RPS6KA2: variants seen among roughly 807,000 people sequenced by gnomAD.
RPS6KA2 encodes ribosomal protein S6 kinase alpha-2.
RPS6KA2 carries 42 observed loss-of-function variants against 91.8 expected under a neutral mutation model. The observed-to-expected ratio is 0.46, with a 90% confidence interval of 0.36 to 0.59. The LOEUF (loss-of-function observed/expected upper bound fraction) is 0.59, where lower values mean the gene tolerates loss of function less well. Ranked by LOEUF, RPS6KA2 falls within the 20% of genes least tolerant of loss-of-function variation. The pLI is 0.00. For missense variants in RPS6KA2, 798 were observed against 978.5 expected, an observed-to-expected ratio of 0.82 and a Z score of 2.46; for synonymous variants, 414 against 393.6, an observed-to-expected ratio of 1.05 and a Z score of -0.61.
At chr6:166,450,032 AG>A (rs1194754412) in intron 13 of RPS6KA2, among the ~76,000 whole-genome samples, 77 of 80,604 alleles carry the variant, frequency 9.6e-4, no homozygotes, top group Middle Eastern at 8.9e-3. Context: ...CCACCACAGG[AG>A]CCACCATGGG....
At chr6:166,607,187 T>C (rs1562337828) in intron 1 of RPS6KA2, among the ~76,000 whole-genome samples, 1 of 141,408 alleles carries the variant, frequency 7.1e-6, no homozygotes, top group Non-Finnish European at 1.5e-5. Context: ...TGGGTGGGAA[T>C]GTACAATGTT....
At chr6:166,475,493 C>A (rs1346293406) in intron 10 of RPS6KA2, among the ~76,000 whole-genome samples, 2 of 152,172 alleles carry the variant, frequency 1.3e-5, no homozygotes, top group East Asian at 3.9e-4. Flanking sequence ...AAGGCCCCTC[C>A]CCCCACACCC....
chr6:166,668,611 G>A (rs746897941), intron 2 of RPS6KA2, among the ~76,000 whole-genome samples: 1 of 152,154 alleles, frequency 6.6e-6, no homozygotes, highest in Non-Finnish European at 1.5e-5. Context: ...GAGGGAAGAG[G>A]GTGGTGTCGT....
intron 2 of RPS6KA2, among the ~76,000 whole-genome samples, chr6:166,790,762 T>C (rs1482089201): frequency 6.6e-6 from 1 of 152,194 alleles, no homozygotes; most frequent in Non-Finnish European, 1.5e-5. Flanking sequence ...CCAGCCAAAC[T>C]AAGCTTCATA....
intron 2 of RPS6KA2, among the ~76,000 whole-genome samples, chr6:166,680,443 G>A (rs554541232): frequency 6.6e-6 from 1 of 152,146 alleles, no homozygotes; most frequent in African/African-American, 2.4e-5. Context: ...TACCTGCTCT[G>A]GTCCCCTTCC....
At chr6:166,719,644 A>G (rs962550892) in intron 2 of RPS6KA2, among the ~76,000 whole-genome samples, 7 of 152,216 alleles carry the variant, frequency 4.6e-5, no homozygotes, top group African/African-American at 1.7e-4. Context: ...TGTATTATTA[A>G]ATGTCAAAGG....
At position 166,495,816 on chromosome 6, in the gene RPS6KA2, A is replaced by G. The variant is rs1583205834; in HGVS notation, c.747+2692T>C. Among the ~76,000 whole-genome samples, 1 of 152,198 alleles carries G rather than the reference A, an allele frequency of 6.6e-6. No homozygotes were observed. The highest frequency in any genetic ancestry group is 1.5e-5 in the Non-Finnish European group (1 of 68,038). ...CACCGAAGCCAGAGCCACCAGCCAG[A>G]GCCACCAACCCGGCCAGGGTCAGCA... On this transcript the variant is annotated intron_variant, in intron 8 of 20. Coordinates refer to ENST00000265678, the MANE Select transcript of RPS6KA2 (RefSeq NM_021135.6). This position sits in a 1 kb window ranked among gnomAD's most constrained non-coding sequence, Gnocchi z 4.4.
At position 166,662,381 on chromosome 6, in the gene RPS6KA2, G is replaced by C. The variant is rs961322943; in HGVS notation, c.124-123597C>G. Among the ~76,000 whole-genome samples the C allele has an allele frequency of 3.3e-5, 5 of 152,294 alleles. No homozygotes were observed. Among genetic ancestry groups the C allele is most frequent in the African/African-American group, 1.2e-4 (5 of 41,544 alleles). ...TGCAGGGGTGGTAAGAGATGGGTTG[G>C]CGCAGGAGGTATGAAAACTTACTCC... On this transcript the variant is annotated intron_variant, in intron 2 of 21. Coordinates refer to the RPS6KA2 transcript ENST00000503859. The surrounding 1 kb of genome is among the most constrained non-coding windows in gnomAD (Gnocchi z 4.3).
At chr6:166,807,566 T>C (rs990031971) in intron 2 of RPS6KA2, among the ~76,000 whole-genome samples, 1 of 151,576 alleles carries the variant, frequency 6.6e-6, no homozygotes, top group Non-Finnish European at 1.5e-5. Context: ...GGGCTCTCCA[T>C]CTTAGTCTGA....
chr6:166,605,299 A>G (rs1277120019), intron 1 of RPS6KA2, among the ~76,000 whole-genome samples: 2 of 152,210 alleles, frequency 1.3e-5, no homozygotes, highest in African/African-American at 2.4e-5. Flanking sequence ...AGCATTTACA[A>G]TAATTTCAAG....
chr6:166,474,889 C>T (rs1464389345), intron 10 of RPS6KA2, among the ~76,000 whole-genome samples: 1 of 152,214 alleles, frequency 6.6e-6, no homozygotes, highest in African/African-American at 2.4e-5. Context: ...ACCAAATGTC[C>T]TGCTGAGCCT....
At chr6:166,778,125 G>T (rs905368978) in intron 2 of RPS6KA2, among the ~76,000 whole-genome samples, 1 of 152,216 alleles carries the variant, frequency 6.6e-6, no homozygotes, top group Non-Finnish European at 1.5e-5. Flanking sequence ...GCAAAGACAA[G>T]CCCTGGCAGG....
intron 2 of RPS6KA2, among the ~76,000 whole-genome samples, chr6:166,718,133 C>A (rs1790068291): frequency 6.6e-6 from 1 of 152,232 alleles, no homozygotes; most frequent in African/African-American, 2.4e-5. Context: ...CAGGCGTGAA[C>A]CACTGTGCCC....
chr6:166,642,789 G>T (rs563438769), intron 2 of RPS6KA2, among the ~76,000 whole-genome samples: 1 of 152,218 alleles, frequency 6.6e-6, no homozygotes, highest in Non-Finnish European at 1.5e-5. Context: ...AAGGGCCACC[G>T]CCATGGGTCC....
intron 2 of RPS6KA2, among the ~76,000 whole-genome samples, chr6:166,768,498 C>T (rs996025328): frequency 2.0e-5 from 3 of 152,110 alleles, no homozygotes; most frequent in African/African-American, 7.2e-5. Context: ...GGGGCAGCTG[C>T]CTCTGCTTCA....
rs79599627 is a variant in RPS6KA2 at position 166,504,757 on chromosome 6, C to T, written c.460-145G>A. 3.0e-3 allele frequency: 1,711 copies of T among 577,454 alleles called. 23 individuals carry two copies. Among genetic ancestry groups the T allele is most frequent in the African/African-American group, 0.029 (1,539 of 52,584 alleles). The allele number at this position is 577,454 out of a possible 1,614,324, so 35.8% of individuals were successfully genotyped here. A position where few individuals can be genotyped will look rare whatever the true frequency, so the allele number is the denominator to read the frequency against. ...GAACGCTATGGCCCCCCAGAGTGGT[C>T]TTCTGACTCTTCTCATGGAAAAGTG... is the stretch of plus-strand genomic sequence containing the variant. On this transcript the variant is annotated intron_variant, in intron 5 of 20. Coordinates refer to ENST00000265678, the MANE Select transcript of RPS6KA2 (RefSeq NM_021135.6).
chr6:166,481,488 G>A (rs1168034324), intron 10 of RPS6KA2, among the ~76,000 whole-genome samples: 1 of 152,208 alleles, frequency 6.6e-6, no homozygotes, highest in Non-Finnish European at 1.5e-5. Flanking sequence ...TAGAGTGTAC[G>A]TATACCTCTC....
At chr6:166,572,564 A>AT (rs1489306265) in intron 1 of RPS6KA2, among the ~76,000 whole-genome samples, 1 of 152,194 alleles carries the variant, frequency 6.6e-6, no homozygotes, top group African/African-American at 2.4e-5. Context: ...CATAGCTCTC[A>AT]TTGCCGGCTG....
chr6:166,757,565 G>A (rs1390162528), intron 2 of RPS6KA2: 1 of 456,274 alleles, frequency 2.2e-6, no homozygotes. Flanking sequence ...TTGTGTGGCA[G>A]CCTGATCATC....
Sources: gnomAD v4.1 joint callset for allele counts (sites outside exome capture counted in the v4.1 genomes callset) on GRCh38, gnomAD v4.1.1 for gene constraint, Gnocchi (gnomAD v3.1) non-coding constraint, MANE v1.5 for transcripts, NCBI Gene and HGNC (gene_info 2026-07-23, HGNC 2026-07-21) for gene names.